DOK5: variants seen among roughly 807,000 people sequenced by gnomAD.
DOK5 encodes downstream of tyrosine kinase 5.
A neutral mutation model predicts 43.3 loss-of-function variants in DOK5; 27 were observed. That is an observed-to-expected ratio of 0.62 (90% CI 0.46 to 0.86). The LOEUF (loss-of-function observed/expected upper bound fraction) is 0.86. DOK5 is among the 40% of genes least tolerant of loss of function. The pLI is 0.00. For synonymous variants in DOK5, 146 were observed against 140.1 expected (o/e 1.04, Z -0.30); for missense variants, 373 against 392.9 (o/e 0.95, Z 0.43).
intron 5 of DOK5, among the ~76,000 whole-genome samples, chr20:54,605,252 T>G (rs1366139365): frequency 6.6e-6 from 1 of 152,184 alleles, no homozygotes; most frequent in Non-Finnish European, 1.5e-5. Context: ...CTGTCTACCA[T>G]GAGATAATTT....
chr20:54,610,653 C>T, intron 6 of DOK5, 130 bp downstream of exon 6: 1 of 1,089,066 alleles, frequency 9.2e-7, no homozygotes, highest in South Asian at 3.5e-5. Context: ...AACAGTGTAT[C>T]ACTTGGATTA....
At chr20:54,572,191 C>T (rs925453454) in intron 2 of DOK5, among the ~76,000 whole-genome samples, 9 of 150,258 alleles carry the variant, frequency 6.0e-5, no homozygotes, top group East Asian at 2.0e-4. Flanking sequence ...GACGGAGTCT[C>T]GCTCTGTTGC....
chr20:54,602,253 A>T (rs1205450487), intron 5 of DOK5, among the ~76,000 whole-genome samples: 3 of 152,188 alleles, frequency 2.0e-5, no homozygotes, highest in Non-Finnish European at 4.4e-5. Context: ...GTGGTTTGGG[A>T]AACCTTGTTA....
intron 1 of DOK5, among the ~76,000 whole-genome samples, chr20:54,521,520 G>A (rs904940425): frequency 6.6e-6 from 1 of 152,094 alleles, no homozygotes; most frequent in Non-Finnish European, 1.5e-5. Context: ...TTCGACTCAG[G>A]AACAGGCATA....
chr20:54,528,391 A>G (rs1280609130), intron 1 of DOK5, among the ~76,000 whole-genome samples: 1 of 152,144 alleles, frequency 6.6e-6, no homozygotes, highest in African/African-American at 2.4e-5. Context: ...TTCCATGGTC[A>G]ACAGGAAACC....
intron 1 of DOK5, among the ~76,000 whole-genome samples, chr20:54,513,528 G>C (rs1159067169): frequency 2.0e-5 from 3 of 149,494 alleles, no homozygotes; most frequent in Non-Finnish European, 2.9e-5. Context: ...GCCACCACTG[G>C]TCATTTATTG....
chr20:54,564,348 A>G (rs1432352269), intron 2 of DOK5, among the ~76,000 whole-genome samples: 1 of 152,114 alleles, frequency 6.6e-6, no homozygotes, highest in Non-Finnish European at 1.5e-5. Context: ...GGAGAATGGC[A>G]TGAACCTGGG....
chr20:54,582,242 C>T (rs957090719), intron 2 of DOK5, among the ~76,000 whole-genome samples: 2 of 151,790 alleles, frequency 1.3e-5, no homozygotes, highest in Non-Finnish European at 2.9e-5. Context: ...ATTTAATATG[C>T]TGCTGAATTC....
chr20:54,629,092 T>C (rs1172735008), intron 6 of DOK5, among the ~76,000 whole-genome samples: 1 of 152,240 alleles, frequency 6.6e-6, no homozygotes, highest in African/African-American at 2.4e-5. Context: ...TGCTCTCCTT[T>C]GAATTTCCCC....
chr20:54,503,712 T>A (rs1378905400), intron 1 of DOK5, among the ~76,000 whole-genome samples: 2 of 152,186 alleles, frequency 1.3e-5, no homozygotes, highest in Non-Finnish European at 2.9e-5. Context: ...AGATATTTAA[T>A]TAGAGGTTTG....
intron 5 of DOK5, among the ~76,000 whole-genome samples, chr20:54,599,553 C>T (rs1333059868): frequency 1.3e-5 from 2 of 152,154 alleles, no homozygotes; most frequent in African/African-American, 4.8e-5. Flanking sequence ...GACAAGGCCA[C>T]CATTCTAAGA....
chr20:54,566,094 A>G (rs900917137), intron 2 of DOK5, among the ~76,000 whole-genome samples: 1 of 149,574 alleles, frequency 6.7e-6, no homozygotes, highest in African/African-American at 2.5e-5. Flanking sequence ...CACATCCTCC[A>G]GTCCTCCCAC....
At chr20:54,621,935 C>G (rs948029652) in intron 6 of DOK5, among the ~76,000 whole-genome samples, 3 of 152,128 alleles carry the variant, frequency 2.0e-5, no homozygotes, top group Non-Finnish European at 2.9e-5. Context: ...CAGCTCACAC[C>G]TGTAATCCCA....
intron 1 of DOK5, among the ~76,000 whole-genome samples, chr20:54,486,474 T>C (rs986182994): frequency 2.0e-5 from 3 of 152,212 alleles, no homozygotes; most frequent in Non-Finnish European, 2.9e-5. Flanking sequence ...GTTTTAGCTA[T>C]TCTAGTTCCT....
At chr20:54,511,794 A>G (rs1308529412) in intron 1 of DOK5, among the ~76,000 whole-genome samples, 1 of 152,192 alleles carries the variant, frequency 6.6e-6, no homozygotes, top group Non-Finnish European at 1.5e-5. Flanking sequence ...TTGGGGTTGC[A>G]AGATGACTGC....
chr20:54,476,718 C>T (rs1981443096), intron 1 of DOK5, among the ~76,000 whole-genome samples: 1 of 152,058 alleles, frequency 6.6e-6, no homozygotes, highest in African/African-American at 2.4e-5. Context: ...CTACATATGT[C>T]CTGAAAGGAA....
intron 6 of DOK5, among the ~76,000 whole-genome samples, chr20:54,639,312 C>T (rs1459693053): frequency 6.6e-6 from 1 of 152,226 alleles, no homozygotes; most frequent in Non-Finnish European, 1.5e-5. Context: ...CCCTTCTCTA[C>T]CTCTGTCACC....
chr20:54,601,245 T>C (rs6091928), intron 5 of DOK5, among the ~76,000 whole-genome samples: 67,973 of 152,126 alleles, frequency 0.45, 20,800 homozygotes, highest in African/African-American at 0.86. Flanking sequence ...CTTACTAAAC[T>C]GCCATTTCAT....
At chr20:54,482,853 A>G (rs1264762467) in intron 1 of DOK5, among the ~76,000 whole-genome samples, 2 of 152,234 alleles carry the variant, frequency 1.3e-5, no homozygotes, top group Admixed American at 6.5e-5. Flanking sequence ...ATATGCACAT[A>G]TGAACTCATG....
Sources: allele counts gnomAD v4.1 joint callset (sites outside exome capture counted in the v4.1 genomes callset), GRCh38; gene constraint gnomAD v4.1.1; transcripts MANE v1.5; gene names NCBI Gene and HGNC (gene_info 2026-07-23, HGNC 2026-07-21).